The following LYVE1 variants were observed in gnomAD, a reference collection of about 807,000 sequenced individuals.
LYVE1 encodes the protein lymphatic vessel endothelial hyaluronan receptor 1.
Under a neutral mutation model 31.5 loss-of-function variants are expected in LYVE1, and 29 were observed. The ratio of observed to expected loss-of-function variants is 0.92; its 90% confidence interval spans 0.69 to 1.26. The LOEUF is 1.26. LYVE1 is among the 50% of genes most tolerant of loss of function. LYVE1 has a pLI of 0.00. For missense variants in LYVE1, 376 were observed against 380.2 expected (o/e 0.99, Z 0.09); for synonymous variants, 134 against 139.4 (o/e 0.96, Z 0.27).
At position 10,562,891 on chromosome 11, in the gene LYVE1, C is replaced by T. The variant is rs116667541; in HGVS notation, c.397+1049G>A. 8.6e-3 allele frequency among the ~76,000 whole-genome samples: 1,302 copies of T among 150,870 alleles called. 14 individuals carry two copies. Among genetic ancestry groups the T allele is most frequent in the African/African-American group, 0.03 (1,243 of 41,116 alleles). On this transcript the variant is annotated intron_variant, in intron 3 of 5. Transcript: ENST00000256178. ...TTTCAGAGTTAGACCTGAGTCTGAACCTTTACAGTAATGAGACGTTAGACA... is the reference window on the plus strand; with the variant it reads ...TTTCAGAGTTAGACCTGAGTCTGAATCTTTACAGTAATGAGACGTTAGACA...
At chr11:10,561,915 C>T (rs983706227) in intron 3 of LYVE1, among the ~76,000 whole-genome samples, 2 of 152,018 alleles carry the variant, frequency 1.3e-5, no homozygotes, top group African/African-American at 4.8e-5. Context: ...CACATGTATA[C>T]CTATGTAACA....
rs372396648 is a variant in LYVE1, at chr11:10,564,355, T to C, written c.105A>G (p.Ser35=). ...LRAEELSIQV[S]CRIMGITLVS... ...CAAGGGTGATCCCCATAATTCTGCA[T>C]GACACCTGGATGGAAAGCTCTGCAA... The change falls in exon 2 of 6, where the codon TCA becomes TCG. Residue 35 remains serine (S), a synonymous_variant. Coordinates refer to ENST00000256178, the MANE Select transcript of LYVE1 (RefSeq NM_006691.4). 6.2e-7 allele frequency: 1 copy of C among 1,613,884 alleles called. No homozygotes were observed. Among genetic ancestry groups the C allele is most frequent in the South Asian group, 1.1e-5 (1 of 91,078 alleles).
rs1850370876 is a variant in LYVE1 at position 10,559,361 on chromosome 11, T to G, written c.783-64A>C. On this transcript the variant is annotated intron_variant, in intron 5 of 5. Coordinates refer to ENST00000256178, the MANE Select transcript of LYVE1 (RefSeq NM_006691.4). The stretch of plus-strand genomic sequence containing the variant: ...ACACATAACGATAGATAACACTTTT[T>G]GGCCATGGTACATATTGGCACAGTA... The G allele has an allele frequency of 4.0e-5, 55 of 1,385,602 alleles. No homozygotes were observed. The South Asian group carries it at 6.3e-4, about 16-fold the overall frequency. 85.8% of individuals were successfully genotyped at this position (1,385,602 alleles called of 1,614,324 possible).
chr11:10,559,133 C>G lies in LYVE1; in HGVS notation c.947G>C (p.Arg316Pro). 6.2e-7 allele frequency: 1 copy of G among 1,613,814 alleles called. No homozygotes were observed. The highest frequency in any genetic ancestry group is 8.5e-7 in the Non-Finnish European group (1 of 1,179,914). Residue 316 changes from arginine (R) to proline (P), a missense_variant, in exon 6 of 6, where the codon CGA (arginine) becomes CCA (proline). By Grantham distance (103) the Arg-to-Pro change is moderately radical. Coordinates refer to ENST00000256178, the MANE Select transcript of LYVE1 (RefSeq NM_006691.4). ...CATCTAAACTTCAGCTTCCAGGCAT[C>G]GCACGGTAGTTTTGCTTGGACTCTT... ...ESKSPSKTTV[R>P]CLEAEV
At chr11:10,566,704 G>A (rs1258563770) in intron 1 of LYVE1, among the ~76,000 whole-genome samples, 1 of 152,108 alleles carries the variant, frequency 6.6e-6, no homozygotes, top group Admixed American at 6.5e-5. Context: ...ACTTATTCTA[G>A]GTGGATAGAC....
In LYVE1 at chr11:10,564,320, T is replaced by G. The variant is rs1165857871; in HGVS notation, c.140A>C (p.Lys47Thr). The part of the protein sequence containing the change: ...RIMGITLVSK[K>T]ANQQLNFTEA... The stretch of plus-strand genomic sequence containing the variant: ...TGTGAAATTCAGCTGCTGGTTCGCC[T>G]TTTTGCTCACAAGGGTGATCCCCAT... Residue 47 changes from lysine (K) to threonine (T), a missense_variant, in exon 2 of 6, where the codon AAG (lysine) becomes ACG (threonine). Lys to Thr is a moderately conservative substitution (Grantham distance 78). Coordinates refer to ENST00000256178, the MANE Select transcript of LYVE1 (RefSeq NM_006691.4). The G allele has an allele frequency of 6.2e-7, 1 of 1,614,092 alleles. No individual in the cohort carries two copies. The highest frequency in any genetic ancestry group is 2.2e-5 in the East Asian group (1 of 44,886).
At chr11:10,560,210 T>G (rs527496284) in intron 4 of LYVE1, among the ~76,000 whole-genome samples, 13 of 152,364 alleles carry the variant, frequency 8.5e-5, no homozygotes, top group African/African-American at 2.9e-4. Flanking sequence ...CTTTAGGGTA[T>G]ATATTTTAAA....
In LYVE1 at chr11:10,562,946, CTTTTTTT is replaced by C. The variant is rs71034774; in HGVS notation, c.397+987_397+993del. Among the ~76,000 whole-genome samples, 6 of 79,472 alleles carry C rather than the reference CTTTTTTT, an allele frequency of 7.5e-5. 1 individual carries two copies. Among genetic ancestry groups the C allele is most frequent in the East Asian group, 4.3e-4 (1 of 2,310 alleles). 52.1% of individuals were successfully genotyped at this position (79,472 alleles called of 152,430 possible). On this transcript the variant is annotated intron_variant, in intron 3 of 5. Transcript: ENST00000256178. ...TGTTTACATCCTTTGAACTCGGTTT[CTTTTTTT>C]TTTTTTTTTTTTTTTTTTGAGACGG...
rs1199875852 is a variant in LYVE1 at position 10,559,958 on chromosome 11, C to T, written c.704-64G>A. 6.7e-6 allele frequency: 8 copies of T among 1,188,148 alleles called. No homozygotes were observed. In the South Asian group the frequency reaches 8.6e-5, roughly 13 times the overall value. 73.6% of individuals were successfully genotyped at this position (1,188,148 alleles called of 1,614,324 possible). A position where few individuals can be genotyped will look rare whatever the true frequency, so the allele number is the denominator to read the frequency against. ...TAAACATTGTGTGTAATGCTCATTG[C>T]ATGATCCAGGTGATTGAGACAGTAG... is the stretch of plus-strand genomic sequence containing the variant. On this transcript the variant is annotated intron_variant, in intron 4 of 5. Coordinates refer to ENST00000256178, the MANE Select transcript of LYVE1 (RefSeq NM_006691.4).
At chr11:10,563,826 A>C (rs939279226) in intron 3 of LYVE1, 114 bp downstream of exon 3, 1 of 1,327,914 alleles carries the variant, frequency 7.5e-7, no homozygotes, top group Admixed American at 1.8e-5. Flanking sequence ...GGAGAATTAG[A>C]TGGCCGTGGC....
chr11:10,565,548 G>A lies in LYVE1; in HGVS notation c.86-1174C>T, dbSNP rs144137943. Among the ~76,000 whole-genome samples, 31 of 152,308 alleles carry A rather than the reference G, an allele frequency of 2.0e-4. No individual in the cohort carries two copies. The East Asian group carries it at 6.0e-3, about 29-fold the overall frequency. On this transcript the variant is annotated intron_variant, in intron 1 of 5. Transcript: ENST00000256178. ...CTTCCTAGGTTGATATCTAATGGAA[G>A]TTTCTTTTTGAAAACATGGAAGGAG...
At chr11:10,560,353 CATGAAAG>C (rs1850396178) in intron 4 of LYVE1, 135 bp downstream of exon 4, 3 of 693,354 alleles carry the variant, frequency 4.3e-6, no homozygotes. Context: ...TCTATGACTT[CATGAAAG>C]TTGAGTTTGT....
intron 3 of LYVE1, among the ~76,000 whole-genome samples, chr11:10,562,660 T>C (rs565500948): frequency 6.6e-6 from 1 of 152,304 alleles, no homozygotes; most frequent in East Asian, 1.9e-4. Context: ...AGTGAGTATT[T>C]AGTAAAAGAA....
At chr11:10,565,089 T>A (rs1458523428) in intron 1 of LYVE1, among the ~76,000 whole-genome samples, 2 of 152,194 alleles carry the variant, frequency 1.3e-5, no homozygotes, top group African/African-American at 4.8e-5. Flanking sequence ...TGTTTATAAA[T>A]TCAAGGGAGT....
At chr11:10,563,851 C>A in intron 3 of LYVE1, 89 bp downstream of exon 3, 1 of 1,517,236 alleles carries the variant, frequency 6.6e-7, no homozygotes. Flanking sequence ...ATTGCTTCTG[C>A]TGCTGCTCAG....
At chr11:10,566,012 G>C (rs145736182) in intron 1 of LYVE1, among the ~76,000 whole-genome samples, 1,722 of 152,192 alleles carry the variant, frequency 0.011, 28 homozygotes, top group African/African-American at 0.039. Flanking sequence ...GTTTCTCCAT[G>C]TTGGTCAGGT....
chr11:10,563,639 T>C (rs763271721), intron 3 of LYVE1, among the ~76,000 whole-genome samples: 14 of 152,176 alleles, frequency 9.2e-5, no homozygotes, highest in Admixed American at 6.5e-5. Context: ...ATTACATACA[T>C]CTGTACCTTT....
At position 10,560,784 on chromosome 11, in the gene LYVE1, C is replaced by G; in HGVS notation, c.414G>C (p.Ser138=). ...TGGTGGTGATAATTTCTGGAATGCA[C>G]GAGTTAGTCCAAGTATCTGTTGGGA... is the stretch of plus-strand genomic sequence containing the variant. ...CYNSSDTWTN[S]CIPEIITTKD... The change falls in exon 4 of 6, where the codon TCG becomes TCC. Residue 138 remains serine (S), a synonymous_variant. Transcript: ENST00000256178. 1.2e-6 allele frequency: 2 copies of G among 1,609,928 alleles called. No individual in the cohort carries two copies. Among genetic ancestry groups the G allele is most frequent in the Admixed American group, 1.7e-5 (1 of 59,870 alleles).
chr11:10,562,771 C>T (rs996334882), intron 3 of LYVE1, among the ~76,000 whole-genome samples: 1 of 152,124 alleles, frequency 6.6e-6, no homozygotes, highest in Non-Finnish European at 1.5e-5. Flanking sequence ...CAAATCAGTG[C>T]TGCCCTCCAG....
Sources: allele counts gnomAD v4.1 joint callset (sites outside exome capture counted in the v4.1 genomes callset), GRCh38; gene constraint gnomAD v4.1.1; transcripts MANE v1.5; gene names NCBI Gene and HGNC (gene_info 2026-07-23, HGNC 2026-07-21).